The following DAAM2 variants were observed in gnomAD, a reference collection of about 807,000 sequenced individuals.
DAAM2 encodes dishevelled associated activator of morphogenesis 2, also known as disheveled-associated activator of morphogenesis 2.
A neutral mutation model predicts 120.7 loss-of-function variants in DAAM2; 39 were observed. That is an observed-to-expected ratio of 0.32 (90% CI 0.25 to 0.42). The LOEUF (loss-of-function observed/expected upper bound fraction) is 0.42. Ranked by LOEUF, DAAM2 falls within the 10% of genes least tolerant of loss-of-function variation. The pLI is 1.00. For missense variants in DAAM2, 1,283 were observed against 1,401.7 expected (o/e 0.92, Z 1.35); for synonymous variants, 488 against 524.9 (o/e 0.93, Z 0.96).
At chr6:39,814,193 T>C (rs1055622032) in intron 1 of DAAM2, among the ~76,000 whole-genome samples, 3 of 152,000 alleles carry the variant, frequency 2.0e-5, no homozygotes, top group African/African-American at 4.8e-5. Flanking sequence ...TCTTTCTTTT[T>C]TTTTTTTTCT....
chr6:39,879,506 C>A, intron 14 of DAAM2, 29 bp downstream of exon 14: 1 of 1,613,898 alleles, frequency 6.2e-7, no homozygotes, highest in Non-Finnish European at 8.5e-7. Flanking sequence ...GCTGGAGGGC[C>A]CATTCTTCTA....
chr6:39,880,783 T>C (rs1388757495), intron 14 of DAAM2, among the ~76,000 whole-genome samples: 1 of 152,190 alleles, frequency 6.6e-6, no homozygotes, highest in Non-Finnish European at 1.5e-5. Context: ...ATCTCCAATC[T>C]GAGTTACTTA....
chr6:39,901,695 C>A lies in DAAM2; in HGVS notation c.2983-118C>A. The A allele has an allele frequency of 9.4e-7, 1 of 1,066,802 alleles. No homozygotes were observed. Among genetic ancestry groups the A allele is most frequent in the Non-Finnish European group, 1.3e-6 (1 of 762,886 alleles). The allele number at this position is 1,066,802 out of a possible 1,614,324, so 66.1% of individuals were successfully genotyped here. A position where few individuals can be genotyped will look rare whatever the true frequency, so the allele number is the denominator to read the frequency against. On this transcript the variant is annotated intron_variant, in intron 24 of 24. Transcript: ENST00000274867. This position sits in a 1 kb window ranked among gnomAD's most constrained non-coding sequence, Gnocchi z 4.5. ...GTCCTAGGCAGGAAGAAAGTGGGGC[C>A]AACAGATACAGGCAGGCAGCATGAC...
chr6:39,904,450 T>G lies in DAAM2; in HGVS notation c.*2413T>G, dbSNP rs1314973601. The G allele has an allele frequency of 2.2e-6, 1 of 454,712 alleles. No homozygotes were observed. Among genetic ancestry groups the G allele is most frequent in the Non-Finnish European group, 4.4e-6 (1 of 226,970 alleles). 28.2% of individuals were successfully genotyped at this position (454,712 alleles called of 1,614,324 possible). On this transcript the variant is annotated 3_prime_UTR_variant, in exon 25 of 25. Coordinates refer to ENST00000274867, the MANE Select transcript of DAAM2 (RefSeq NM_001201427.2). ...AATAGGTTGTTTCTTGGTCTTGCTTTCTTCATGCCCTCCCCACTGCTCCTG... is the reference window on the plus strand; with the variant it reads ...AATAGGTTGTTTCTTGGTCTTGCTTGCTTCATGCCCTCCCCACTGCTCCTG...
Position 39,879,387 on chromosome 6 carries a change from C to G in DAAM2, c.1755C>G (p.Pro585=). The G allele has an allele frequency of 6.2e-7, 1 of 1,613,854 alleles. No individual in the cohort carries two copies. Among genetic ancestry groups the G allele is most frequent in the African/African-American group, 1.3e-5 (1 of 75,022 alleles). The stretch of plus-strand genomic sequence containing the variant: ...TGGGCCTGCCCCTCCCTCAGGACCC[C>G]TACCCCAGCAGTGACGTCCCACTCA... The part of the protein sequence containing the change: ...LGMGLPLPQD[P]YPSSDVPLRK... The change falls in exon 14 of 25, where the codon CCC becomes CCG. Residue 585 remains proline, a synonymous_variant. Transcript: ENST00000274867.
Position 39,875,475 on chromosome 6 carries a change from A to C in DAAM2, c.1301+7A>C, listed in dbSNP as rs371933413. On this transcript the variant is annotated splice_region_variant and intron_variant, in intron 11 of 24. Coordinates refer to ENST00000274867, the MANE Select transcript of DAAM2 (RefSeq NM_001201427.2). ...TCAAGAACATCGTCAACATGTGAGC[A>C]GTGGCCAGCCTTTGCCCTGTCTTCC... is the stretch of plus-strand genomic sequence containing the variant. 1.3e-5 allele frequency: 21 copies of C among 1,612,116 alleles called. No individual in the cohort carries two copies. Among genetic ancestry groups the C allele is most frequent in the Non-Finnish European group, 1.7e-5 (20 of 1,178,844 alleles).
intron 1 of DAAM2, among the ~76,000 whole-genome samples, chr6:39,854,199 C>G: frequency 6.6e-6 from 1 of 152,186 alleles, no homozygotes; most frequent in East Asian, 1.9e-4. Flanking sequence ...TTATTAATTG[C>G]TAGTAGTCAA....
At chr6:39,794,182 G>T (rs1321363052) in intron 1 of DAAM2, among the ~76,000 whole-genome samples, 5 of 152,166 alleles carry the variant, frequency 3.3e-5, no homozygotes, top group African/African-American at 1.2e-4. Context: ...AAACAAGGGT[G>T]CATGTAAACA....
At position 39,891,366 on chromosome 6, in the gene DAAM2, G is replaced by A; in HGVS notation, c.2171G>A (p.Ser724Asn). ...CTCCTCAAGTTCATCCCAGAGAAGA[G>A]TGACATTGACCTCCTGGAGGAGCAC... The part of the protein sequence containing the change: ...EQLLKFIPEK[S>N]DIDLLEEHKH... Residue 724 changes from serine (S) to asparagine (N), a missense_variant, in exon 18 of 25, where the codon AGT becomes AAT. Coordinates refer to ENST00000274867, the MANE Select transcript of DAAM2 (RefSeq NM_001201427.2). The A allele has an allele frequency of 2.5e-6, 4 of 1,610,560 alleles. No homozygotes were observed. Among genetic ancestry groups the A allele is most frequent in the Non-Finnish European group, 3.4e-6 (4 of 1,178,334 alleles).
intron 1 of DAAM2, among the ~76,000 whole-genome samples, chr6:39,803,080 A>G (rs961311493): frequency 6.6e-6 from 1 of 151,490 alleles, no homozygotes; most frequent in Non-Finnish European, 1.5e-5. Flanking sequence ...TACTTTTTCC[A>G]TTTTTCTGTT....
intron 23 of DAAM2, among the ~76,000 whole-genome samples, chr6:39,900,596 C>A (rs1289606303): frequency 6.6e-6 from 1 of 152,156 alleles, no homozygotes; most frequent in Non-Finnish European, 1.5e-5. Context: ...GACATGATTA[C>A]CATGCCTCTA....
intron 1 of DAAM2, among the ~76,000 whole-genome samples, chr6:39,855,201 G>T (rs1763951977): frequency 1.3e-5 from 2 of 152,340 alleles, no homozygotes; most frequent in East Asian, 1.9e-4. Flanking sequence ...CCCCTAGGTT[G>T]TCAGGAACGA....
intron 1 of DAAM2, among the ~76,000 whole-genome samples, chr6:39,818,202 A>AAAC (rs1554167546): frequency 2.7e-5 from 4 of 148,958 alleles, no homozygotes; most frequent in African/African-American, 1.0e-4. Flanking sequence ...AAAAAAAAAA[A>AAAC]AAAACTTCAC....
rs1157325327 is a variant in DAAM2 at position 39,898,924 on chromosome 6, G to A, written c.2666G>A (p.Arg889Lys). Reference protein sequence around the residue: ...KEVGNLRRGLRAVEVELEYQR... With the variant: ...KEVGNLRRGLKAVEVELEYQR... ...GTGGGCAACCTCAGGAGGGGCCTGA[G>A]AGCGGTGGAGGTGGTGAGTACCTTG... The change falls in exon 22 of 25, where the codon AGA becomes AAA. Residue 889 changes from arginine to lysine, a missense_variant. This residue lies in a region of DAAM2 where 748 missense variants were observed against 768.6 expected (regional missense o/e 0.97). Transcript: ENST00000274867. 1.9e-6 allele frequency: 3 copies of A among 1,611,926 alleles called. No homozygotes were observed. The African/African-American group carries it at 4.0e-5, about 22-fold the overall frequency.
chr6:39,831,324 C>T (rs916281193), intron 1 of DAAM2, among the ~76,000 whole-genome samples: 3 of 151,954 alleles, frequency 2.0e-5, no homozygotes, highest in Admixed American at 1.3e-4. Flanking sequence ...ATTTCAGATG[C>T]CCTTGAAAGA....
chr6:39,875,959 T>C (rs1764852161), intron 11 of DAAM2, among the ~76,000 whole-genome samples: 1 of 152,212 alleles, frequency 6.6e-6, no homozygotes, highest in South Asian at 2.1e-4. Context: ...TTTTTACATT[T>C]CAAACAACAC....
At chr6:39,796,635 A>AC (rs1207940639) in intron 1 of DAAM2, among the ~76,000 whole-genome samples, 1 of 56,230 alleles carries the variant, frequency 1.8e-5, no homozygotes, top group Non-Finnish European at 4.9e-5. Context: ...AAAAAAAAAA[A>AC]AAAAAACCTG....
chr6:39,877,813 G>C (rs899994575), intron 11 of DAAM2, among the ~76,000 whole-genome samples: 7 of 152,136 alleles, frequency 4.6e-5, no homozygotes, highest in African/African-American at 1.7e-4. Context: ...CCAATATTTT[G>C]ATCTCTTTTA....
At position 39,903,150 on chromosome 6, in the gene DAAM2, T is replaced by C. The variant is rs1056341187; in HGVS notation, c.*1113T>C. 1.3e-5 allele frequency: 2 copies of C among 152,284 alleles called. No individual in the cohort carries two copies. The highest frequency in any genetic ancestry group is 4.8e-5 in the African/African-American group (2 of 41,470). 9.4% of individuals were successfully genotyped at this position (152,284 alleles called of 1,614,324 possible). On this transcript the variant is annotated 3_prime_UTR_variant, in exon 25 of 25. Coordinates refer to ENST00000274867, the MANE Select transcript of DAAM2 (RefSeq NM_001201427.2). Reference sequence around the variant, plus strand: ...CCACTGGCGTTGGGGAGTTGGTTCCTGAGAGGTCTGAGGGCCAGAGCTGCC... The same window carrying C: ...CCACTGGCGTTGGGGAGTTGGTTCCCGAGAGGTCTGAGGGCCAGAGCTGCC...
Sources: allele counts gnomAD v4.1 joint callset (sites outside exome capture counted in the v4.1 genomes callset), GRCh38; gene constraint gnomAD v4.1.1; regional missense constraint gnomAD v4.1.1; non-coding constraint Gnocchi (gnomAD v3.1); transcripts MANE v1.5; gene names NCBI Gene and HGNC (gene_info 2026-07-23, HGNC 2026-07-21).